The following COL23A1 variants were observed in gnomAD, a reference collection of about 807,000 sequenced individuals.
The protein encoded by COL23A1 is collagen type XXIII alpha 1 chain, also known as collagen alpha-1(XXIII) chain.
Under a neutral mutation model 99.3 loss-of-function variants are expected in COL23A1, and 97 were observed. The ratio of observed to expected loss-of-function variants is 0.98; its 90% confidence interval spans 0.83 to 1.16. COL23A1 has a LOEUF of 1.16. Ranked by LOEUF, COL23A1 falls within the 50% of genes most tolerant of loss-of-function variation. The pLI, the probability that COL23A1 is intolerant of heterozygous loss-of-function variation, is 0.00. For missense variants in COL23A1, 762 were observed against 757.4 expected (o/e 1.01, Z -0.07); for synonymous variants, 320 against 308.2 (o/e 1.04, Z -0.40).
chr5:178,370,779 T>C (rs1381745166), intron 2 of COL23A1, among the ~76,000 whole-genome samples: 2 of 152,036 alleles, frequency 1.3e-5, no homozygotes, highest in Non-Finnish European at 2.9e-5. Flanking sequence ...TTAAAATAAA[T>C]AAACAAATAA....
At chr5:178,489,528 T>G (rs1757815540) in intron 2 of COL23A1, among the ~76,000 whole-genome samples, 1 of 151,884 alleles carries the variant, frequency 6.6e-6, no homozygotes, top group Non-Finnish European at 1.5e-5. Flanking sequence ...TGTATCCTGT[T>G]GGCTCAGTCC....
At position 178,468,089 on chromosome 5, in the gene COL23A1, G is replaced by A. The variant is rs1344748656; in HGVS notation, c.361+92593C>T. ...CTGGGGCGGTGTGTTCCTTATGTTG[G>A]GAGTGGTTTCCATAGCTGGAAAAGA... On this transcript the variant is annotated intron_variant, in intron 2 of 28. Transcript: ENST00000390654. The surrounding 1 kb of genome is among the most constrained non-coding windows in gnomAD (Gnocchi z 4.2). Among the ~76,000 whole-genome samples, 1 of 152,178 alleles carries A rather than the reference G, an allele frequency of 6.6e-6. No homozygotes were observed. The highest frequency in any genetic ancestry group is 1.5e-5 in the Non-Finnish European group (1 of 68,034).
intron 4 of COL23A1, among the ~76,000 whole-genome samples, chr5:178,289,371 A>T (rs1437240518): frequency 6.6e-6 from 1 of 152,124 alleles, no homozygotes; most frequent in Admixed American, 6.5e-5. Context: ...AATGAATGGG[A>T]TTTCTAGGAC....
chr5:178,249,849 C>A (rs6864275), intron 18 of COL23A1, among the ~76,000 whole-genome samples: 29,692 of 152,082 alleles, frequency 0.2, 3,059 homozygotes, highest in East Asian at 0.37. Context: ...GTTACTCAGC[C>A]CTGCCTGAGA....
rs1296760316 is a variant in COL23A1 at position 178,365,089 on chromosome 5, CTT to C, written c.362-58172_362-58171del. 4.0e-5 allele frequency among the ~76,000 whole-genome samples: 6 copies of C among 151,838 alleles called. No individual in the cohort carries two copies. Among genetic ancestry groups the C allele is most frequent in the Non-Finnish European group, 7.4e-5 (5 of 67,996 alleles). ...TAAACCGTAGGGGCAATAACAATCT[CTT>C]TGTAATTTCTCTTTGGGGTGGGCTT... On this transcript the variant is annotated intron_variant, in intron 2 of 28. Transcript: ENST00000390654. This position sits in a 1 kb window ranked among gnomAD's most constrained non-coding sequence, Gnocchi z 5.2.
chr5:178,371,988 C>T (rs572093104), intron 2 of COL23A1, among the ~76,000 whole-genome samples: 85 of 152,324 alleles, frequency 5.6e-4, no homozygotes, highest in African/African-American at 2.0e-3. Flanking sequence ...ATCCAGGATC[C>T]TTTCTAGATT....
At chr5:178,488,681 TAAAAA>T (rs11297354) in intron 2 of COL23A1, among the ~76,000 whole-genome samples, 7 of 135,352 alleles carry the variant, frequency 5.2e-5, no homozygotes, top group Non-Finnish European at 9.7e-5. Context: ...TATGACTCTT[TAAAAA>T]AAAAAAAAAC....
chr5:178,328,567 C>G (rs1759828623), intron 2 of COL23A1, among the ~76,000 whole-genome samples: 1 of 152,192 alleles, frequency 6.6e-6, no homozygotes, highest in African/African-American at 2.4e-5. Context: ...TAGGGAGCAG[C>G]TGTTAGCATT....
At chr5:178,318,775 G>A (rs1207830098) in intron 2 of COL23A1, among the ~76,000 whole-genome samples, 2 of 152,080 alleles carry the variant, frequency 1.3e-5, no homozygotes, top group Non-Finnish European at 2.9e-5. Flanking sequence ...GGTGGCGGGC[G>A]CCTGTAACTT....
In COL23A1 at chr5:178,321,480, C is replaced by CTTTTTTT. The variant is rs570803192; in HGVS notation, c.362-14568_362-14562dup. Among the ~76,000 whole-genome samples the CTTTTTTT allele has an allele frequency of 1.3e-4, 14 of 109,026 alleles. 1 individual carries two copies. Among genetic ancestry groups the CTTTTTTT allele is most frequent in the African/African-American group, 5.2e-4 (13 of 25,000 alleles). 71.5% of individuals were successfully genotyped at this position (109,026 alleles called of 152,430 possible). A position where few individuals can be genotyped will look rare whatever the true frequency, so the allele number is the denominator to read the frequency against. ...ACCTGTGATGACGAGGTCACCTTCC[C>CTTTTTTT]TTTTTTTTTTTTTTTTTTTTTTTTT... On this transcript the variant is annotated intron_variant, in intron 2 of 28. Coordinates refer to ENST00000390654, the MANE Select transcript of COL23A1 (RefSeq NM_173465.4).
At chr5:178,566,939 A>AAAC (rs1417415402) in intron 1 of COL23A1, among the ~76,000 whole-genome samples, 3 of 152,376 alleles carry the variant, frequency 2.0e-5, no homozygotes, top group Admixed American at 1.3e-4. Context: ...AGCAATTTTG[A>AAAC]AACTACTTTA....
intron 2 of COL23A1, among the ~76,000 whole-genome samples, chr5:178,379,483 C>G (rs935305203): frequency 2.6e-5 from 4 of 152,182 alleles, no homozygotes; most frequent in Admixed American, 2.6e-4. Context: ...CAGCCTTTGA[C>G]ACATTATTCT....
At chr5:178,376,111 G>A (rs886566734) in intron 2 of COL23A1, among the ~76,000 whole-genome samples, 4 of 152,098 alleles carry the variant, frequency 2.6e-5, no homozygotes, top group Admixed American at 6.5e-5. Flanking sequence ...CTCTGCACAC[G>A]CCACATCCCA....
At position 178,589,928 on chromosome 5, in the gene COL23A1, C is replaced by A. The variant is rs1764182942; in HGVS notation, c.270G>T (p.Pro90=). The change falls in exon 1 of 29, where the codon CCG becomes CCT. Residue 90 remains proline (P), a synonymous_variant. Coordinates refer to ENST00000390654, the MANE Select transcript of COL23A1 (RefSeq NM_173465.4). This position sits in a 1 kb window ranked among gnomAD's most constrained non-coding sequence, Gnocchi z 5.4. ...CCTCCCGCAGCAGGCGCTCCAGGTG[C>A]GGCTCGGCCCAGGCGTCCAGGGCGC... ...PPGALDAWAE[P]HLERLLREKL... 6 of 1,320,368 alleles carry A rather than the reference C, an allele frequency of 4.5e-6. No homozygotes were observed. The highest frequency in any genetic ancestry group is 4.0e-5 in the Admixed American group (1 of 24,946). The allele number at this position is 1,320,368 out of a possible 1,614,324, so 81.8% of individuals were successfully genotyped here.
At chr5:178,259,626 T>A (rs887227165) in intron 12 of COL23A1, 95 bp downstream of exon 12, 13 of 1,073,910 alleles carry the variant, frequency 1.2e-5, no homozygotes, top group Admixed American at 1.1e-4. Context: ...GCCCATCCCG[T>A]CCCCATCCCC....
rs778206423 is a variant in COL23A1, at chr5:178,384,394, A to G, written c.362-77475T>C. On this transcript the variant is annotated intron_variant, in intron 2 of 28. Coordinates refer to ENST00000390654, the MANE Select transcript of COL23A1 (RefSeq NM_173465.4). The surrounding 1 kb of genome is among the most constrained non-coding windows in gnomAD (Gnocchi z 5.5). ...TTGACATGAGGTGAAGCCTCAGGAA[A>G]GCCCGGGGCTGTTCATCCGGGTAGT... is the stretch of plus-strand genomic sequence containing the variant. Among the ~76,000 whole-genome samples, 3 of 152,218 alleles carry G rather than the reference A, an allele frequency of 2.0e-5. No homozygotes were observed. Among genetic ancestry groups the G allele is most frequent in the Non-Finnish European group, 4.4e-5 (3 of 68,036 alleles).
At chr5:178,341,826 C>T (rs187299987) in intron 2 of COL23A1, among the ~76,000 whole-genome samples, 63 of 152,330 alleles carry the variant, frequency 4.1e-4, no homozygotes, top group African/African-American at 1.4e-3. Flanking sequence ...ACCCTTGGCT[C>T]TTCCTGTTTC....
intron 2 of COL23A1, among the ~76,000 whole-genome samples, chr5:178,459,677 G>A (rs569287266): frequency 2.8e-4 from 42 of 152,182 alleles, no homozygotes; most frequent in African/African-American, 9.2e-4. Flanking sequence ...CAGGAGAATC[G>A]CTTGAACCCA....
chr5:178,262,145 G>A (rs1175666097), intron 10 of COL23A1, 72 bp downstream of exon 10: 1 of 1,489,704 alleles, frequency 6.7e-7, no homozygotes, highest in African/African-American at 1.4e-5. Flanking sequence ...CGGCGTGTGT[G>A]GGAAAGGGGC....
Sources: allele counts gnomAD v4.1 joint callset (sites outside exome capture counted in the v4.1 genomes callset), GRCh38; gene constraint gnomAD v4.1.1; non-coding constraint Gnocchi (gnomAD v3.1); transcripts MANE v1.5; gene names NCBI Gene and HGNC (gene_info 2026-07-23, HGNC 2026-07-21).